The following BBS9 variants were observed in gnomAD, a reference collection of about 807,000 sequenced individuals.
BBS9 encodes the protein protein PTHB1.
A neutral mutation model predicts 117.7 loss-of-function variants in BBS9; 89 were observed. That is an observed-to-expected ratio of 0.76 (90% CI 0.64 to 0.90). The LOEUF is 0.90. BBS9 is among the 40% of genes least tolerant of loss of function. BBS9 has a pLI of 0.00. For missense variants in BBS9, 982 were observed against 1,042.2 expected (o/e 0.94, Z 0.80); for synonymous variants, 379 against 370.9 (o/e 1.02, Z -0.25).
At chr7:33,442,182 G>A (rs948799960) in intron 19 of BBS9, among the ~76,000 whole-genome samples, 2 of 152,156 alleles carry the variant, frequency 1.3e-5, no homozygotes, top group Non-Finnish European at 2.9e-5. Context: ...GTGAGCCACC[G>A]TGCCTGACTG....
chr7:33,412,205 C>T (rs79912220), intron 19 of BBS9, among the ~76,000 whole-genome samples: 2,224 of 152,188 alleles, frequency 0.015, 23 homozygotes, highest in Non-Finnish European at 0.021. Flanking sequence ...TCTTCCAAGA[C>T]GTCAAACTAT....
At chr7:33,562,601 C>T (rs1005760494) in intron 21 of BBS9, among the ~76,000 whole-genome samples, 6 of 152,106 alleles carry the variant, frequency 3.9e-5, no homozygotes, top group African/African-American at 9.7e-5. Flanking sequence ...AAAGCCAAAT[C>T]GCTTGGAAAT....
At chr7:33,235,284 C>T (rs551313956) in intron 5 of BBS9, among the ~76,000 whole-genome samples, 132 of 152,238 alleles carry the variant, frequency 8.7e-4, no homozygotes, top group African/African-American at 3.0e-3. Context: ...TGAAAGTCCA[C>T]CTGACATAGG....
At chr7:33,298,595 G>C (rs531216346) in intron 9 of BBS9, among the ~76,000 whole-genome samples, 1 of 152,304 alleles carries the variant, frequency 6.6e-6, no homozygotes, top group African/African-American at 2.4e-5. Flanking sequence ...CTGGGCCCAA[G>C]ATAGCAAAGC....
intron 5 of BBS9, among the ~76,000 whole-genome samples, chr7:33,248,403 T>C (rs1795706261): frequency 6.6e-6 from 1 of 152,086 alleles, no homozygotes; most frequent in African/African-American, 2.4e-5. Context: ...AGGGAGAGAG[T>C]AATAAGAAAG....
chr7:33,520,950 A>G (rs771495864), intron 20 of BBS9, among the ~76,000 whole-genome samples: 2 of 152,308 alleles, frequency 1.3e-5, no homozygotes, highest in Middle Eastern at 3.4e-3. Context: ...CACCAGAAAC[A>G]GCTTTCCCCT....
intron 17 of BBS9, among the ~76,000 whole-genome samples, chr7:33,371,375 A>C (rs1316825600): frequency 6.6e-6 from 1 of 152,146 alleles, no homozygotes; most frequent in South Asian, 2.1e-4. Flanking sequence ...TAGTTTTGCA[A>C]GTTTTCAGTA....
At chr7:33,431,413 G>T (rs979696195) in intron 19 of BBS9, among the ~76,000 whole-genome samples, 1 of 152,100 alleles carries the variant, frequency 6.6e-6, no homozygotes, top group Non-Finnish European at 1.5e-5. Flanking sequence ...CTGAATGTTT[G>T]TGCCCTTCCC....
intron 5 of BBS9, among the ~76,000 whole-genome samples, chr7:33,241,025 G>T (rs1185101489): frequency 6.6e-6 from 1 of 152,004 alleles, no homozygotes; most frequent in African/African-American, 2.4e-5. Context: ...CCATTACGAG[G>T]GAAAAGATAC....
intron 5 of BBS9, among the ~76,000 whole-genome samples, chr7:33,214,192 G>A (rs554505945): frequency 1.8e-4 from 27 of 152,290 alleles, no homozygotes; most frequent in African/African-American, 5.8e-4. Context: ...CTCTGGCTAC[G>A]TCTGGTCCAG....
chr7:33,281,933 G>C (rs996863869), intron 9 of BBS9, among the ~76,000 whole-genome samples: 1 of 151,840 alleles, frequency 6.6e-6, no homozygotes, highest in Non-Finnish European at 1.5e-5. Flanking sequence ...TCCCACCTCA[G>C]CCTCACAAGT....
At chr7:33,489,858 G>A (rs1030289624) in intron 19 of BBS9, among the ~76,000 whole-genome samples, 7 of 152,038 alleles carry the variant, frequency 4.6e-5, no homozygotes, top group African/African-American at 7.2e-5. Flanking sequence ...TTTCTTCTCC[G>A]GATGGTTTGT....
At chr7:33,238,144 A>G (rs963101459) in intron 5 of BBS9, among the ~76,000 whole-genome samples, 5 of 152,274 alleles carry the variant, frequency 3.3e-5, no homozygotes, top group Non-Finnish European at 7.4e-5. Context: ...CTTCTAACAC[A>G]TTTGCCTTCT....
intron 19 of BBS9, among the ~76,000 whole-genome samples, chr7:33,463,198 C>G (rs1478320189): frequency 2.0e-5 from 3 of 152,046 alleles, no homozygotes; most frequent in Non-Finnish European, 4.4e-5. Context: ...GCTGAACAGA[C>G]AGACAATTGA....
At chr7:33,189,268 C>T (rs963189103) in intron 5 of BBS9, among the ~76,000 whole-genome samples, 5 of 152,152 alleles carry the variant, frequency 3.3e-5, no homozygotes, top group Admixed American at 2.6e-4. Flanking sequence ...ATCTGCCTGC[C>T]TCAGCCTCTC....
At chr7:33,556,075 G>C (rs1159301053) in intron 21 of BBS9, among the ~76,000 whole-genome samples, 1 of 152,158 alleles carries the variant, frequency 6.6e-6, no homozygotes, top group Non-Finnish European at 1.5e-5. Flanking sequence ...GAAGTAGTAC[G>C]TATTTGGATT....
At chr7:33,557,249 G>A (rs1855426005) in intron 21 of BBS9, among the ~76,000 whole-genome samples, 2 of 152,118 alleles carry the variant, frequency 1.3e-5, no homozygotes, top group Admixed American at 6.6e-5. Flanking sequence ...CTTATCTGAA[G>A]ATCTTTTACT....
chr7:33,332,307 G>A (rs1472610755), intron 9 of BBS9, among the ~76,000 whole-genome samples: 1 of 152,098 alleles, frequency 6.6e-6, no homozygotes, highest in African/African-American at 2.4e-5. Context: ...AACTCAAGAT[G>A]AATCAAAGAC....
chr7:33,566,612 T>A (rs1856966045), intron 21 of BBS9, among the ~76,000 whole-genome samples: 1 of 152,122 alleles, frequency 6.6e-6, no homozygotes, highest in South Asian at 2.1e-4. Flanking sequence ...CTTTTCAAAT[T>A]TAAATGCCTG....
Sources: allele counts gnomAD v4.1 joint callset (sites outside exome capture counted in the v4.1 genomes callset), GRCh38; gene constraint gnomAD v4.1.1; transcripts MANE v1.5; gene names NCBI Gene and HGNC (gene_info 2026-07-23, HGNC 2026-07-21).